The following PRDM11 variants were observed in gnomAD, a reference collection of about 807,000 sequenced individuals.
PRDM11 encodes PR/SET domain 11, also known as PR domain-containing protein 11.
PRDM11 carries 20 observed loss-of-function variants against 97.8 expected under a neutral mutation model. The ratio of observed to expected loss-of-function variants is 0.20; its 90% CI spans 0.14 to 0.30. The LOEUF is 0.30. Among genes scored for constraint, PRDM11 ranks in the 10% least tolerant of loss-of-function variants. The pLI is 1.00. For synonymous variants in PRDM11, 599 were observed against 637.7 expected (o/e 0.94, Z 0.91); for missense variants, 1,139 against 1,555.2 (o/e 0.73, Z 4.50).
chr11:45,208,269 A>AAGGGG (rs1161039108), intron 5 of PRDM11, among the ~76,000 whole-genome samples: 2 of 152,180 alleles, frequency 1.3e-5, no homozygotes, highest in African/African-American at 4.8e-5. Flanking sequence ...GGGGAAGGGG[A>AAGGGG]AGAGAGCCAC....
intron 1 of PRDM11, among the ~76,000 whole-genome samples, chr11:45,176,768 C>T (rs1173206592): frequency 6.6e-6 from 1 of 152,238 alleles, no homozygotes; most frequent in Non-Finnish European, 1.5e-5. Context: ...TCTCTATAGG[C>T]ATGCTTGCTG....
intron 1 of PRDM11, among the ~76,000 whole-genome samples, chr11:45,128,502 A>ACCCCCCCCCCCCCCC (rs1222357331): frequency 8.4e-6 from 1 of 119,072 alleles, no homozygotes; most frequent in Non-Finnish European, 1.8e-5. Flanking sequence ...CACCCCGCGC[A>ACCCCCCCCCCCCCCC]CCCCCCCTCC....
chr11:45,152,850 C>T (rs1441118197), intron 1 of PRDM11, among the ~76,000 whole-genome samples: 1 of 152,210 alleles, frequency 6.6e-6, no homozygotes, highest in East Asian at 1.9e-4. Context: ...CTTGACTAGG[C>T]TGTAACAGGT....
rs1186291276 is a variant in PRDM11 at position 45,227,819 on chromosome 11, A to G, written c.3194A>G (p.Lys1065Arg). The G allele has an allele frequency of 6.5e-7, 1 of 1,533,958 alleles. No individual in the cohort carries two copies. ...CTGATCAGCCACATTTGCAAGTACA[A>G]ACAGAGGTTTCCACTCTTGAACAAG... is the stretch of plus-strand genomic sequence containing the variant. ...KDLISHICKY[K>R]QRFPLLNKII... Residue 1065 changes from lysine (K) to arginine (R), a missense_variant, in exon 8 of 8, where the codon AAA (lysine) becomes AGA (arginine). Lys to Arg is a conservative substitution (Grantham distance 26, BLOSUM62 2). This residue lies in a region of PRDM11 where 710 missense variants were observed against 1,044.9 expected (regional missense o/e 0.68). Coordinates refer to ENST00000683152, the MANE Select transcript of PRDM11 (RefSeq NM_001384648.1). This position sits in a 1 kb window ranked among gnomAD's most constrained non-coding sequence, Gnocchi z 8.0.
intron 6 of PRDM11, among the ~76,000 whole-genome samples, chr11:45,223,987 T>A (rs11038359): frequency 6.6e-6 from 1 of 152,202 alleles, no homozygotes; most frequent in African/African-American, 2.4e-5. Context: ...GACATGAGGC[T>A]TCTTGGAAAC....
rs1854420204 is a variant in PRDM11, at chr11:45,232,632, G to T, written c.*4473G>T. 1 of 152,332 alleles carries T rather than the reference G, an allele frequency of 6.6e-6. No individual in the cohort carries two copies. The highest frequency in any genetic ancestry group is 1.5e-5 in the Non-Finnish European group (1 of 68,136). 9.4% of individuals were successfully genotyped at this position (152,332 alleles called of 1,614,324 possible). ...TTCCAGACACCAGTCTTCTGGGGAG[G>T]TGGTGCCGTGTCATGGGTTCTAGTC... is the stretch of plus-strand genomic sequence containing the variant. On this transcript the variant is annotated 3_prime_UTR_variant, in exon 8 of 8. Coordinates refer to ENST00000683152, the MANE Select transcript of PRDM11 (RefSeq NM_001384648.1).
At chr11:45,127,660 G>T (rs1389731612) in intron 1 of PRDM11, among the ~76,000 whole-genome samples, 1 of 152,216 alleles carries the variant, frequency 6.6e-6, no homozygotes, top group Non-Finnish European at 1.5e-5. Context: ...GGTGGCTGTA[G>T]AACAGCGGGT....
intron 1 of PRDM11, among the ~76,000 whole-genome samples, chr11:45,179,903 C>T (rs1852425414): frequency 6.6e-6 from 1 of 152,222 alleles, no homozygotes; most frequent in Admixed American, 6.5e-5. Flanking sequence ...TACTGCCCAT[C>T]CCAGTGAGAG....
chr11:45,164,587 A>G (rs1852014595), intron 1 of PRDM11, among the ~76,000 whole-genome samples: 3 of 152,230 alleles, frequency 2.0e-5, no homozygotes, highest in Admixed American at 1.3e-4. Context: ...CAGGACAGCC[A>G]CCAGGGCTGG....
At position 45,228,257 on chromosome 11, in the gene PRDM11, ATATTATAT is replaced by A; in HGVS notation, c.*102_*109del. On this transcript the variant is annotated 3_prime_UTR_variant, in exon 8 of 8. Coordinates refer to ENST00000683152, the MANE Select transcript of PRDM11 (RefSeq NM_001384648.1). ...ATATAAATATATATTATATTATATTATATTATATTATATATATATATATATATAAACTC... is the reference window on the plus strand; with the variant it reads ...ATATAAATATATATTATATTATATTATATATATATATATATATATAAACTC... The A allele has an allele frequency of 1.7e-5, 5 of 297,084 alleles. No individual in the cohort carries two copies. Among genetic ancestry groups the A allele is most frequent in the African/African-American group, 2.4e-5 (1 of 41,158 alleles). The allele number at this position is 297,084 out of a possible 1,614,324, so 18.4% of individuals were successfully genotyped here.
chr11:45,106,717 T>A (rs1339389083), intron 1 of PRDM11, among the ~76,000 whole-genome samples: 1 of 152,172 alleles, frequency 6.6e-6, no homozygotes. Flanking sequence ...TCTGCTCCAC[T>A]CCACGTGGTC....
chr11:45,103,649 C>T (rs920248413), intron 1 of PRDM11, among the ~76,000 whole-genome samples: 3 of 151,088 alleles, frequency 2.0e-5, no homozygotes, highest in South Asian at 4.2e-4. Context: ...GATGGTCACA[C>T]GGTTTTAAAA....
chr11:45,183,544 C>T (rs1289217735), intron 4 of PRDM11, among the ~76,000 whole-genome samples: 1 of 152,184 alleles, frequency 6.6e-6, no homozygotes, highest in South Asian at 2.1e-4. Flanking sequence ...GGGGTAAACC[C>T]TTCAACAAGA....
intron 1 of PRDM11, among the ~76,000 whole-genome samples, chr11:45,180,950 C>G (rs1043647750): frequency 6.6e-6 from 1 of 152,110 alleles, no homozygotes; most frequent in Admixed American, 6.5e-5. Context: ...TTTGGGGCCC[C>G]GGTGGGGAGC....
intron 4 of PRDM11, among the ~76,000 whole-genome samples, chr11:45,189,696 T>A (rs977235011): frequency 1.3e-5 from 2 of 152,206 alleles, no homozygotes; most frequent in Non-Finnish European, 2.9e-5. Context: ...AAATTGACAA[T>A]TTCTTTTAAA....
At chr11:45,110,974 A>G (rs73464518) in intron 1 of PRDM11, among the ~76,000 whole-genome samples, 2,623 of 151,852 alleles carry the variant, frequency 0.017, 87 homozygotes, top group African/African-American at 0.06. Context: ...ACTATTTTTA[A>G]TAAAAGCTTT....
rs530901765 is a variant in PRDM11 at position 45,233,601 on chromosome 11, C to G, written c.*5442C>G. The G allele has an allele frequency of 6.6e-6, 1 of 152,312 alleles. No homozygotes were observed. The highest frequency in any genetic ancestry group is 2.1e-4 in the South Asian group (1 of 4,828). 9.4% of individuals were successfully genotyped at this position (152,312 alleles called of 1,614,324 possible). A position where few individuals can be genotyped will look rare whatever the true frequency, so the allele number is the denominator to read the frequency against. The stretch of plus-strand genomic sequence containing the variant: ...AGAGCTGGTCCAGGAAAGATACCGC[C>G]CCTGCCCTGTTAGATGCTTCTGCTG... On this transcript the variant is annotated 3_prime_UTR_variant, in exon 8 of 8. Transcript: ENST00000683152.
intron 4 of PRDM11, among the ~76,000 whole-genome samples, chr11:45,187,582 G>T (rs1366171076): frequency 6.6e-6 from 1 of 152,196 alleles, no homozygotes; most frequent in Admixed American, 6.5e-5. Context: ...AGTTCAGGAG[G>T]TGGGACTGGT....
In PRDM11 at chr11:45,229,804, T is replaced by C. The variant is rs1220474004; in HGVS notation, c.*1645T>C. On this transcript the variant is annotated 3_prime_UTR_variant, in exon 8 of 8. Coordinates refer to ENST00000683152, the MANE Select transcript of PRDM11 (RefSeq NM_001384648.1). ...ATTATATACATGTGGTCAGTTCTGC[T>C]GAGAGCTTCATCTCTTGGTTGGCAG... 6.6e-6 allele frequency: 1 copy of C among 152,240 alleles called. No homozygotes were observed. Among genetic ancestry groups the C allele is most frequent in the African/African-American group, 2.4e-5 (1 of 41,466 alleles). The allele number at this position is 152,240 out of a possible 1,614,324, so 9.4% of individuals were successfully genotyped here.
Sources: allele counts gnomAD v4.1 joint callset (sites outside exome capture counted in the v4.1 genomes callset), GRCh38; gene constraint gnomAD v4.1.1; regional missense constraint gnomAD v4.1.1; non-coding constraint Gnocchi (gnomAD v3.1); transcripts MANE v1.5; gene names NCBI Gene and HGNC (gene_info 2026-07-23, HGNC 2026-07-21).